Variants in SP100 observed in about 807,000 individuals in gnomAD.
SP100 encodes SP100 nuclear body protein.
A neutral mutation model predicts 130.0 loss-of-function variants in SP100; 84 were observed. The ratio of observed to expected loss-of-function variants is 0.65; its 90% CI spans 0.54 to 0.77. The LOEUF is 0.77. Among genes scored for constraint, SP100 ranks in the 30% least tolerant of loss-of-function variants. SP100 has a pLI of 0.00. For synonymous variants in SP100, 331 were observed against 351.7 expected, an observed-to-expected ratio of 0.94 and a Z score of 0.66; for missense variants, 978 against 1,052.2, an observed-to-expected ratio of 0.93 and a Z score of 0.97.
chr2:230,436,292 T>C (rs952905421), intron 2 of SP100, among the ~76,000 whole-genome samples: 1 of 152,220 alleles, frequency 6.6e-6, no homozygotes, highest in African/African-American at 2.4e-5. Context: ...ATAAGTTTTA[T>C]ATATCTATTT....
At chr2:230,435,582 G>C (rs1299618329) in intron 2 of SP100, among the ~76,000 whole-genome samples, 2 of 151,938 alleles carry the variant, frequency 1.3e-5, no homozygotes, top group Admixed American at 6.6e-5. Flanking sequence ...TTTAAGTTCG[G>C]GGGTACATGT....
intron 24 of SP100, chr2:230,515,410 G>A (rs1229191914): frequency 1.9e-5 from 31 of 1,613,758 alleles, no homozygotes; most frequent in Non-Finnish European, 2.5e-5. Context: ...GAAGAAACTG[G>A]CAGGGATGTG....
chr2:230,498,675 T>C (rs2066836717), intron 19 of SP100, 140 bp downstream of exon 19: 1 of 435,524 alleles, frequency 2.3e-6, no homozygotes, highest in Non-Finnish European at 4.0e-6. Flanking sequence ...TTCCAAAATA[T>C]GTCAGGGAAA....
intron 2 of SP100, among the ~76,000 whole-genome samples, chr2:230,438,826 C>T (rs533353948): frequency 4.6e-5 from 7 of 152,070 alleles, no homozygotes; most frequent in Admixed American, 2.6e-4. Flanking sequence ...GCTATAAACG[C>T]GTGTGCAAAT....
chr2:230,497,525 AGGAGAGGAGAGGAGAGGAG>A, intron 18 of SP100, among the ~76,000 whole-genome samples: 2 of 52,130 alleles, frequency 3.8e-5, no homozygotes, highest in African/African-American at 1.6e-4. Flanking sequence ...AGGAGAGGAG[AGGAGAGGAGAGGAGAGGAG>A]AGGAAAGGAA....
intron 2 of SP100, among the ~76,000 whole-genome samples, chr2:230,429,944 G>T (rs1304568284): frequency 1.3e-5 from 2 of 152,102 alleles, no homozygotes; most frequent in Non-Finnish European, 2.9e-5. Flanking sequence ...TTATATGTCA[G>T]TAAGTTCACA....
chr2:230,458,422 G>C (rs1275640716), intron 8 of SP100, among the ~76,000 whole-genome samples: 2 of 152,212 alleles, frequency 1.3e-5, no homozygotes, highest in East Asian at 1.9e-4. Context: ...TGGCCTTGCT[G>C]TCTGAGGGGT....
chr2:230,529,606 CG>C (rs1691601408), intron 24 of SP100, among the ~76,000 whole-genome samples: 1 of 152,024 alleles, frequency 6.6e-6, no homozygotes, highest in Non-Finnish European at 1.5e-5. Context: ...AAGAAATAAA[CG>C]GCATTCATTT....
At position 230,449,554 on chromosome 2, in the gene SP100, G is replaced by T; in HGVS notation, c.587-7G>T. ...ATAAAATACCTGTGAATCAAACCAT[G>T]GTTTAGGTACAACCCCACCTGAAAA... On this transcript the variant is annotated splice_region_variant and splice_polypyrimidine_tract_variant and intron_variant, in intron 6 of 28. Transcript: ENST00000340126. 3 of 1,613,834 alleles carry T rather than the reference G, an allele frequency of 1.9e-6. No individual in the cohort carries two copies. Among genetic ancestry groups the T allele is most frequent in the East Asian group, 2.2e-5 (1 of 44,880 alleles).
At chr2:230,465,061 C>A (rs1355834036) in intron 11 of SP100, among the ~76,000 whole-genome samples, 2 of 152,152 alleles carry the variant, frequency 1.3e-5, no homozygotes, top group African/African-American at 4.8e-5. Flanking sequence ...TATGGTGAAA[C>A]CCTGTCTCTA....
chr2:230,463,601 C>T (rs2064780890), intron 10 of SP100: 1 of 152,742 alleles, frequency 6.5e-6, no homozygotes, highest in Admixed American at 6.5e-5. Context: ...TAACTTTGAA[C>T]TTAGTGTAAG....
chr2:230,425,781 G>C (rs1034787365), intron 2 of SP100, among the ~76,000 whole-genome samples: 2 of 150,780 alleles, frequency 1.3e-5, no homozygotes, highest in Non-Finnish European at 1.5e-5. Flanking sequence ...AAATTAGTTT[G>C]GAACTGTTCC....
chr2:230,482,575 AT>A (rs374028987), intron 17 of SP100, among the ~76,000 whole-genome samples: 25,468 of 148,240 alleles, frequency 0.17, 2,538 homozygotes, highest in East Asian at 0.27. Context: ...TTTAGAATTG[AT>A]TTTTTTTTTT....
At chr2:230,512,910 G>A (rs2150086250) in intron 24 of SP100, among the ~76,000 whole-genome samples, 1 of 152,302 alleles carries the variant, frequency 6.6e-6, no homozygotes, top group South Asian at 2.1e-4. Flanking sequence ...CTCAAAAGAA[G>A]CACGCAACCT....
rs200256890 is a variant in SP100 at position 230,461,239 on chromosome 2, A to T, written c.821-23A>T. 515 of 1,609,396 alleles carry T rather than the reference A, an allele frequency of 3.2e-4. 1 individual carries two copies. The highest frequency in any genetic ancestry group is 2.0e-4 in the Admixed American group (12 of 59,228). ...GAGGTTCACTGGGGACACAAATGAA[A>T]ATTCTTCATTTATTACAATTAGGCC... On this transcript the variant is annotated intron_variant, in intron 8 of 28. Coordinates refer to ENST00000340126, the MANE Select transcript of SP100 (RefSeq NM_001080391.2).
rs776485760 is a variant in SP100, at chr2:230,473,360, C to G, written c.1466C>G (p.Ser489Cys). Residue 489 changes from serine to cysteine, a missense_variant, in exon 16 of 29, where the codon TCC becomes TGC. Physicochemically the swap from Ser to Cys is moderately radical, Grantham distance 112. Transcript: ENST00000340126. ...QPQEPENKKC[S>C]CVMCFPKGVP... ...CAAGAACCTGAAAATAAGAAGTGCTCCTGTGTCATGTGTTTTCCAAAAGGT... is the reference window on the plus strand; with the variant it reads ...CAAGAACCTGAAAATAAGAAGTGCTGCTGTGTCATGTGTTTTCCAAAAGGT... 5 of 1,613,758 alleles carry G rather than the reference C, an allele frequency of 3.1e-6. No individual in the cohort carries two copies. In the Admixed American group the frequency reaches 8.3e-5, roughly 27 times the overall value.
rs749900460 is a variant in SP100, at chr2:230,450,292, C to G, written c.820+37C>G. 2.0e-6 allele frequency: 3 copies of G among 1,496,800 alleles called. No homozygotes were observed. In the Admixed American group the frequency reaches 5.1e-5, roughly 25 times the overall value. 92.7% of individuals were successfully genotyped at this position (1,496,800 alleles called of 1,614,324 possible). A position where few individuals can be genotyped will look rare whatever the true frequency, so the allele number is the denominator to read the frequency against. ...TTACCTTGCCTATTTTCTTTCCTTTCTTATTCAGATGCTATACATTTGGTT... is the reference window on the plus strand; with the variant it reads ...TTACCTTGCCTATTTTCTTTCCTTTGTTATTCAGATGCTATACATTTGGTT... On this transcript the variant is annotated intron_variant, in intron 8 of 28. Transcript: ENST00000340126.
Position 230,444,269 on chromosome 2 carries a change from T to G in SP100, c.362T>G (p.Val121Gly). 6.2e-7 allele frequency: 1 copy of G among 1,613,862 alleles called. No homozygotes were observed. Among genetic ancestry groups the G allele is most frequent in the African/African-American group, 1.3e-5 (1 of 75,040 alleles). Residue 121 changes from valine (V) to glycine (G), a missense_variant, in exon 4 of 29, where the codon GTT becomes GGT. Transcript: ENST00000340126. ...SELEKTFNLP[V>G]LEALFSDVNM... ...CTGGAGAAGACATTTAACCTGCCAG[T>G]TCTGGAAGCACTGTTCAGCGATGTC...
At chr2:230,514,114 G>T (rs1453582342) in intron 24 of SP100, among the ~76,000 whole-genome samples, 1 of 151,144 alleles carries the variant, frequency 6.6e-6, no homozygotes, top group African/African-American at 2.4e-5. Flanking sequence ...ATTTATAGTT[G>T]CTGTTGCTTG....
Sources: gnomAD v4.1 joint callset for allele counts (sites outside exome capture counted in the v4.1 genomes callset) on GRCh38, gnomAD v4.1.1 for gene constraint, MANE v1.5 for transcripts, NCBI Gene and HGNC (gene_info 2026-07-23, HGNC 2026-07-21) for gene names.